Variants in TENM1 observed in about 807,000 individuals in gnomAD.
TENM1 encodes the protein teneurin-1.
TENM1 carries 35 observed loss-of-function variants against 174.8 expected under a neutral mutation model. The ratio of observed to expected loss-of-function variants is 0.20; its 90% CI spans 0.15 to 0.27. The LOEUF (loss-of-function observed/expected upper bound fraction) is 0.27. TENM1 is among the 10% of genes least tolerant of loss of function. The probability of loss-of-function intolerance (pLI) is 1.00; values close to 1 mark genes in which losing one functional copy is unlikely to be tolerated. For missense variants in TENM1, 1,633 were observed against 2,130.1 expected (o/e 0.77, Z 4.59); for synonymous variants, 781 against 798.7 (o/e 0.98, Z 0.37).
At chrX:124,774,517 A>C (rs1265073685) in intron 3 of TENM1, among the ~76,000 whole-genome samples, 1 of 111,969 alleles carries the variant, frequency 8.9e-6, no homozygotes, top group East Asian at 2.8e-4. Flanking sequence ...AAAATCTGAG[A>C]ATCTGAAAAA....
At chrX:124,836,199 T>C (rs1355227979) in intron 3 of TENM1, among the ~76,000 whole-genome samples, 1 of 111,692 alleles carries the variant, frequency 9.0e-6, no homozygotes, top group Non-Finnish European at 1.9e-5. Flanking sequence ...GAGAAATATA[T>C]TTGTTATTAT....
chrX:124,560,505 A>G (rs978902719), intron 14 of TENM1, among the ~76,000 whole-genome samples: 1 of 111,301 alleles, frequency 9.0e-6, no homozygotes, highest in Non-Finnish European at 1.9e-5. Flanking sequence ...TGCAGCTAGT[A>G]TAAGAGCCAG....
chrX:124,964,519 T>C (rs1042192984), upstream of TENM1, among the ~76,000 whole-genome samples: 1 of 111,159 alleles, frequency 9.0e-6, no homozygotes, highest in Non-Finnish European at 1.9e-5. Context: ...TCTAAATCAG[T>C]TTTGGAAATA....
chrX:125,087,380 G>A, the TENM1 span, among the ~76,000 whole-genome samples: 3 of 110,680 alleles, frequency 2.7e-5, no homozygotes, highest in African/African-American at 9.8e-5. Flanking sequence ...GAAAATCATT[G>A]GTCACAAATT....
At chrX:124,726,260 G>A (rs988857706) in intron 4 of TENM1, among the ~76,000 whole-genome samples, 2 of 112,149 alleles carry the variant, frequency 1.8e-5, no homozygotes, top group Non-Finnish European at 3.8e-5. Context: ...GTTTTATTTT[G>A]AAATGAAACT....
chrX:124,605,745 G>A (rs759285238), intron 11 of TENM1, among the ~76,000 whole-genome samples: 2 of 111,453 alleles, frequency 1.8e-5, no homozygotes, highest in Admixed American at 1.9e-4. Context: ...GTGATCTACT[G>A]TTCCACTGGA....
intron 4 of TENM1, among the ~76,000 whole-genome samples, chrX:124,713,548 G>A (rs1043319998): frequency 1.8e-5 from 2 of 112,327 alleles, no homozygotes; most frequent in Non-Finnish European, 3.8e-5. Context: ...GATTACAGGC[G>A]TGAGCCACCA....
chrX:124,675,615 T>C (rs2052050714), intron 5 of TENM1, among the ~76,000 whole-genome samples: 1 of 108,916 alleles, frequency 9.2e-6, no homozygotes, highest in Non-Finnish European at 1.9e-5. Context: ...TTTTTTTTTT[T>C]TTTCTGAGTT....
At chrX:124,736,926 A>C (rs1167692980) in intron 4 of TENM1, 31 bp downstream of exon 7, 1 of 1,181,696 alleles carries the variant, frequency 8.5e-7, no homozygotes, top group Non-Finnish European at 1.1e-6. Context: ...CCAATACTTA[A>C]GTTTAGTGGG....
At chrX:124,537,277 T>C in intron 15 of TENM1, among the ~76,000 whole-genome samples, 1 of 111,601 alleles carries the variant, frequency 9.0e-6, no homozygotes, top group Non-Finnish European at 1.9e-5. Flanking sequence ...CTGATAATTA[T>C]TAGATATATA....
intron 6 of TENM1, among the ~76,000 whole-genome samples, chrX:124,655,936 T>C (rs913769281): frequency 8.9e-6 from 1 of 112,213 alleles, no homozygotes; most frequent in African/African-American, 3.2e-5. Context: ...GTCCTAGAGC[T>C]GACAATGTCT....
intron 23 of TENM1, among the ~76,000 whole-genome samples, chrX:124,436,622 T>C (rs1449235274): frequency 9.1e-6 from 1 of 109,757 alleles, no homozygotes; most frequent in Non-Finnish European, 1.9e-5. Flanking sequence ...GCCTCCTGAG[T>C]AGCTGGGACT....
At chrX:124,592,188 T>C (rs1031201184) in intron 11 of TENM1, among the ~76,000 whole-genome samples, 2 of 111,793 alleles carry the variant, frequency 1.8e-5, no homozygotes, top group Non-Finnish European at 3.8e-5. Flanking sequence ...TTGGATCTCA[T>C]TGAGCTTCTT....
the TENM1 span, among the ~76,000 whole-genome samples, chrX:125,050,554 T>G: frequency 1.8e-5 from 2 of 111,968 alleles, no homozygotes; most frequent in African/African-American, 6.5e-5. Flanking sequence ...CTTAACCCAG[T>G]CTCTCATTGT....
chrX:124,406,644 G>T (rs898800373), intron 25 of TENM1, among the ~76,000 whole-genome samples, 155 bp from the exon 29 acceptor site: 2 of 112,128 alleles, frequency 1.8e-5, no homozygotes, highest in East Asian at 2.8e-4. Flanking sequence ...TCAGAGAGAT[G>T]ATTAATCAAA....
At chrX:124,929,563 T>C (rs1347144307) in intron 1 of TENM1, among the ~76,000 whole-genome samples, 1 of 112,055 alleles carries the variant, frequency 8.9e-6, no homozygotes, top group Non-Finnish European at 1.9e-5. Context: ...AGAATTCACC[T>C]GCAGGAAAGG....
intron 5 of TENM1, among the ~76,000 whole-genome samples, chrX:124,696,519 C>G (rs1232737442): frequency 9.1e-6 from 1 of 110,456 alleles, no homozygotes; most frequent in Non-Finnish European, 1.9e-5. Flanking sequence ...TTCTTGACAG[C>G]TGGTATCTCT....
chrX:124,655,862 CT>C (rs1166718007), intron 6 of TENM1, among the ~76,000 whole-genome samples: 1 of 111,685 alleles, frequency 9.0e-6, no homozygotes, highest in East Asian at 2.8e-4. Context: ...CTGAAAGTTA[CT>C]TTTTTCCATG....
the TENM1 span, among the ~76,000 whole-genome samples, chrX:125,023,484 C>T: frequency 9.0e-6 from 1 of 111,057 alleles, no homozygotes; most frequent in Non-Finnish European, 1.9e-5. Context: ...GGCTCTGCGT[C>T]AACCAGGTAG....
Sources: gnomAD v4.1 joint callset for allele counts (sites outside exome capture counted in the v4.1 genomes callset) on GRCh38, gnomAD v4.1.1 for gene constraint, MANE v1.5 for transcripts, NCBI Gene and HGNC (gene_info 2026-07-23, HGNC 2026-07-21) for gene names.